KLRG1: variants seen among roughly 807,000 people sequenced by gnomAD.
KLRG1 encodes the protein killer cell lectin like receptor G1, also known as killer cell lectin-like receptor subfamily G member 1.
KLRG1 carries 16 observed loss-of-function variants against 21.8 expected under a neutral mutation model. The ratio of observed to expected loss-of-function variants is 0.73; its 90% CI spans 0.50 to 1.11. The LOEUF is 1.11. Among genes scored for constraint, KLRG1 ranks in the 50% most tolerant of loss-of-function variants. The pLI, the probability that KLRG1 is intolerant of heterozygous loss-of-function variation, is 0.00. For synonymous variants in KLRG1, 69 were observed against 75.9 expected (o/e 0.91, Z 0.47); for missense variants, 173 against 218.3 (o/e 0.79, Z 1.31).
chr12:9,011,920 A>C (rs1304422291), downstream of KLRG1, among the ~76,000 whole-genome samples: 3 of 152,200 alleles, frequency 2.0e-5, no homozygotes, highest in Admixed American at 2.0e-4. Flanking sequence ...CAGAGGGAGC[A>C]TTTAGACCAG....
the KLRG1 span, chr12:9,115,639 G>A: frequency 1.4e-6 from 1 of 718,528 alleles, no homozygotes; most frequent in African/African-American, 1.8e-5. Context: ...TGTAAAATCT[G>A]GAAGGAATCT....
upstream of KLRG1, among the ~76,000 whole-genome samples, chr12:8,989,216 G>A (rs773367839): frequency 9.2e-5 from 14 of 152,168 alleles, no homozygotes; most frequent in Non-Finnish European, 1.8e-4. Context: ...TCCAAGAAAT[G>A]ATGAAGTCAG....
At chr12:8,974,084 T>C (rs1008399219) in intron 1 of KLRG1, among the ~76,000 whole-genome samples, 10 of 152,294 alleles carry the variant, frequency 6.6e-5, no homozygotes, top group Non-Finnish European at 1.2e-4. Flanking sequence ...CTATGTTGAA[T>C]GGAAATAGTG....
the KLRG1 span, among the ~76,000 whole-genome samples, chr12:9,214,604 C>CT: frequency 6.6e-5 from 10 of 151,812 alleles, no homozygotes; most frequent in Non-Finnish European, 1.3e-4. Flanking sequence ...ATTTTACTTT[C>CT]TTTTTTTTAA....
intron 1 of KLRG1, among the ~76,000 whole-genome samples, chr12:8,956,316 G>A (rs1421706718): frequency 6.6e-6 from 1 of 152,152 alleles, no homozygotes; most frequent in Non-Finnish European, 1.5e-5. Context: ...ACATGCCCCC[G>A]TTCGGCAAAG....
the KLRG1 span, chr12:9,067,950 C>T: frequency 1.8e-6 from 2 of 1,095,204 alleles, no homozygotes; most frequent in South Asian, 2.7e-5. Flanking sequence ...CTAATCAGTA[C>T]AGTGGGAAAC....
chr12:8,971,089 G>T (rs1946559446), intron 1 of KLRG1: 1 of 152,132 alleles, frequency 6.6e-6, no homozygotes, highest in Non-Finnish European at 1.5e-5. Flanking sequence ...TTTGGTATCA[G>T]AGTCATAATG....
intron 2 of KLRG1, among the ~76,000 whole-genome samples, chr12:8,992,992 C>T (rs958356998): frequency 6.6e-6 from 1 of 151,352 alleles, no homozygotes; most frequent in Non-Finnish European, 1.5e-5. Context: ...TTCCTTACTG[C>T]CATATTTATT....
the KLRG1 span, chr12:9,109,368 C>T: frequency 6.2e-7 from 1 of 1,613,542 alleles, no homozygotes; most frequent in Non-Finnish European, 8.5e-7. Context: ...TGGTGATTAT[C>T]TTTGGCACTG....
chr12:9,129,972 T>C, the KLRG1 span, among the ~76,000 whole-genome samples: 2 of 152,222 alleles, frequency 1.3e-5, no homozygotes, highest in East Asian at 3.8e-4. Flanking sequence ...TATTAAACAC[T>C]TCCCCTTTCT....
chr12:9,202,335 C>T, the KLRG1 span: 21 of 1,613,828 alleles, frequency 1.3e-5, no homozygotes, highest in South Asian at 7.7e-5. Flanking sequence ...ATTTCGAGGG[C>T]GAAAATTTTC....
At chr12:9,196,564 C>G in the KLRG1 span, 1 of 1,593,348 alleles carries the variant, frequency 6.3e-7, no homozygotes, top group Admixed American at 1.7e-5. Flanking sequence ...TCGTTCATTA[C>G]TCACACCTGT....
the KLRG1 span, among the ~76,000 whole-genome samples, chr12:9,155,492 A>G: frequency 0.013 from 2,020 of 151,640 alleles, 33 homozygotes; most frequent in Non-Finnish European, 0.019. Flanking sequence ...TGTTGTTGTT[A>G]TTGTTGTTGT....
chr12:9,117,572 A>G, the KLRG1 span, among the ~76,000 whole-genome samples: 1 of 152,172 alleles, frequency 6.6e-6, no homozygotes. Flanking sequence ...TGAGTGAAAC[A>G]GAAGAAACAC....
chr12:9,110,320 G>T, the KLRG1 span: 2 of 1,456,932 alleles, frequency 1.4e-6, no homozygotes, highest in Non-Finnish European at 1.9e-6. Context: ...TTACCTGAAT[G>T]TATACTAGTG....
the KLRG1 span, chr12:9,164,073 A>C: frequency 6.6e-7 from 1 of 1,522,448 alleles, no homozygotes; most frequent in Non-Finnish European, 9.0e-7. Context: ...TGATGAAAAA[A>C]GTACTCAGAC....
chr12:9,196,336 A>G, the KLRG1 span: 1 of 1,605,798 alleles, frequency 6.2e-7, no homozygotes, highest in Non-Finnish European at 8.5e-7. Context: ...TTACCTGTGC[A>G]AAAAAGGGGA....
chr12:8,971,495 A>AT (rs963441965), intron 1 of KLRG1, among the ~76,000 whole-genome samples: 6 of 151,142 alleles, frequency 4.0e-5, no homozygotes, highest in Admixed American at 2.0e-4. Context: ...TTATTTATTT[A>AT]TTTTTTTTGA....
chr12:8,996,965 A>G (rs1455876941), intron 3 of KLRG1, among the ~76,000 whole-genome samples: 1 of 152,204 alleles, frequency 6.6e-6, no homozygotes, highest in Non-Finnish European at 1.5e-5. Flanking sequence ...GTGGTGTAGC[A>G]GCTGCTATAA....
Sources: allele counts gnomAD v4.1 joint callset (sites outside exome capture counted in the v4.1 genomes callset), GRCh38; gene constraint gnomAD v4.1.1; transcripts MANE v1.5; gene names NCBI Gene and HGNC (gene_info 2026-07-23, HGNC 2026-07-21).